Variants in RBM6 observed in about 807,000 individuals in gnomAD.
RBM6 encodes the protein RNA binding motif protein 6, also known as RNA-binding protein 6.
RBM6 carries 23 observed loss-of-function variants against 140.4 expected under a neutral mutation model. The observed-to-expected ratio is 0.16, with a 90% CI of 0.12 to 0.23. RBM6 has a LOEUF of 0.23. Among genes scored for constraint, RBM6 ranks in the 10% least tolerant of loss-of-function variants. The pLI, the probability that RBM6 is intolerant of heterozygous loss-of-function variation, is 1.00. For synonymous variants in RBM6, 439 were observed against 475.6 expected (o/e 0.92, Z 1.00); for missense variants, 1,139 against 1,386.7 (o/e 0.82, Z 2.84).
chr3:49,968,375 C>T lies in RBM6; in HGVS notation c.950C>T (p.Thr317Ile). The change falls in exon 3 of 21, where the codon ACA becomes ATA. Residue 317 changes from threonine to isoleucine, a missense_variant. Thr to Ile is a moderately conservative substitution (Grantham distance 89). This residue lies in a region of RBM6 where 566 missense variants were observed against 612.7 expected (regional missense o/e 0.92). Coordinates refer to ENST00000266022, the MANE Select transcript of RBM6 (RefSeq NM_005777.3). ...GMNVNRREES[T>I]HDHTIERPAF... ...AATGTGAACAGGAGAGAAGAATCCA[C>T]ACATGACCATACGATAGAAAGGCCT... The T allele has an allele frequency of 6.2e-7, 1 of 1,614,146 alleles. No individual in the cohort carries two copies. The highest frequency in any genetic ancestry group is 8.5e-7 in the Non-Finnish European group (1 of 1,180,038).
chr3:50,000,838 C>T (rs945803780), intron 6 of RBM6, among the ~76,000 whole-genome samples: 2 of 152,188 alleles, frequency 1.3e-5, no homozygotes, highest in African/African-American at 4.8e-5. Context: ...GCTCATTATA[C>T]GTACTTTTCT....
chr3:50,076,016 T>A (rs1020349451), intron 20 of RBM6, among the ~76,000 whole-genome samples: 9 of 151,678 alleles, frequency 5.9e-5, no homozygotes, highest in Non-Finnish European at 1.2e-4. Context: ...TCGCCCAGGC[T>A]GGAATGCAGT....
rs559826978 is a variant in RBM6, at chr3:50,058,882, C to T, written c.2130+320C>T. 53 of 167,930 alleles carry T rather than the reference C, an allele frequency of 3.2e-4. No homozygotes were observed. In the East Asian group the frequency reaches 6.5e-3, roughly 20 times the overall value. 10.4% of individuals were successfully genotyped at this position (167,930 alleles called of 1,614,324 possible). On this transcript the variant is annotated intron_variant, in intron 10 of 20. Coordinates refer to ENST00000266022, the MANE Select transcript of RBM6 (RefSeq NM_005777.3). ...AGTGAGCCGAGATCGCGCCACTGCA[C>T]TTCAGCCTGGGTGACAGAGCGAGAC...
chr3:49,947,081 CAA>C (rs1186088231), intron 1 of RBM6, among the ~76,000 whole-genome samples: 32,405 of 105,870 alleles, frequency 0.31, 3,917 homozygotes, highest in Non-Finnish European at 0.33. Flanking sequence ...ACTAAAAATA[CAA>C]AAAAAAAAAA....
At chr3:49,992,693 A>T (rs2085881377) in intron 5 of RBM6, among the ~76,000 whole-genome samples, 1 of 152,206 alleles carries the variant, frequency 6.6e-6, no homozygotes, top group Non-Finnish European at 1.5e-5. Flanking sequence ...TCTAGTGATG[A>T]TGGTCATTAT....
chr3:50,003,386 T>G (rs1157560685), intron 6 of RBM6, among the ~76,000 whole-genome samples: 1 of 152,062 alleles, frequency 6.6e-6, no homozygotes, highest in Non-Finnish European at 1.5e-5. Flanking sequence ...TGGTATGGAT[T>G]CTGAGTCACC....
At chr3:49,998,755 A>C (rs1328606624) in intron 5 of RBM6, among the ~76,000 whole-genome samples, 1 of 152,248 alleles carries the variant, frequency 6.6e-6, no homozygotes, top group Non-Finnish European at 1.5e-5. Context: ...CTTTGTGCAT[A>C]AGCACAATTT....
rs773690992 is a variant in RBM6, at chr3:50,061,561, T to C, written c.2439+14T>C. 7.4e-6 allele frequency: 1 copy of C among 135,510 alleles called. No homozygotes were observed. The highest frequency in any genetic ancestry group is 1.2e-5 in the Non-Finnish European group (1 of 81,574). The allele number at this position is 135,510 out of a possible 1,614,324, so 8.4% of individuals were successfully genotyped here. A position where few individuals can be genotyped will look rare whatever the true frequency, so the allele number is the denominator to read the frequency against. On this transcript the variant is annotated intron_variant, in intron 14 of 20. Transcript: ENST00000266022. ...CCCAATACCCAGGTGAGTTTGGGGC[T>C]TTTTTTTTTTTTTTTTTTTTTTTAC...
intron 5 of RBM6, among the ~76,000 whole-genome samples, chr3:49,984,648 ATCGCATCGCATCG>A (rs2085478527): frequency 6.8e-6 from 1 of 148,024 alleles, no homozygotes; most frequent in East Asian, 2.0e-4. Context: ...ATCGCATCGC[ATCGCATCGCATCG>A]CATTGCATCA....
chr3:49,955,003 C>T (rs543895319), intron 1 of RBM6, among the ~76,000 whole-genome samples: 77 of 152,020 alleles, frequency 5.1e-4, no homozygotes, highest in African/African-American at 1.8e-3. Context: ...TCGTGATCCG[C>T]CTGCCTAGGC....
chr3:49,997,260 G>C (rs937886538), intron 5 of RBM6, among the ~76,000 whole-genome samples: 4 of 151,854 alleles, frequency 2.6e-5, no homozygotes, highest in African/African-American at 9.7e-5. Flanking sequence ...TTTAGTGTTG[G>C]GCTTGTGAAT....
chr3:50,012,816 C>G (rs113146194), intron 6 of RBM6, among the ~76,000 whole-genome samples: 1,592 of 146,760 alleles, frequency 0.011, 36 homozygotes, highest in African/African-American at 0.039. Flanking sequence ...AATCTCGGCT[C>G]ACCACAACCT....
chr3:49,962,163 A>AG (rs1326212634), intron 1 of RBM6, among the ~76,000 whole-genome samples: 1 of 144,790 alleles, frequency 6.9e-6, no homozygotes, highest in Non-Finnish European at 1.5e-5. Context: ...AAAAAAAAAA[A>AG]AAAAAGAAGG....
intron 17 of RBM6, among the ~76,000 whole-genome samples, chr3:50,068,112 A>G (rs2090176944): frequency 6.6e-6 from 1 of 152,228 alleles, no homozygotes; most frequent in Admixed American, 6.5e-5. Context: ...CACAAACTGA[A>G]CTGGTCATAG....
chr3:50,029,464 G>A (rs1206550384), intron 6 of RBM6, among the ~76,000 whole-genome samples: 1 of 152,236 alleles, frequency 6.6e-6, no homozygotes, highest in Non-Finnish European at 1.5e-5. Context: ...GTTTGGCATG[G>A]TGGCTCACGC....
At chr3:49,979,275 TG>T (rs2085196214) in intron 5 of RBM6, among the ~76,000 whole-genome samples, 3 of 152,076 alleles carry the variant, frequency 2.0e-5, no homozygotes, top group Admixed American at 2.0e-4. Context: ...TAAGCGGGAA[TG>T]GGGAACGACT....
intron 1 of RBM6, among the ~76,000 whole-genome samples, chr3:49,945,431 C>T (rs2083445265): frequency 6.6e-6 from 1 of 151,994 alleles, no homozygotes; most frequent in East Asian, 1.9e-4. Flanking sequence ...TACTGTTTTC[C>T]ACACTGGTTG....
intron 5 of RBM6, among the ~76,000 whole-genome samples, chr3:49,980,263 C>G (rs1371807298): frequency 6.6e-6 from 1 of 151,854 alleles, no homozygotes; most frequent in Non-Finnish European, 1.5e-5. Flanking sequence ...CCTTGGCCTC[C>G]CAAAGTGCTG....
chr3:49,951,471 G>A (rs2083726215), intron 1 of RBM6, among the ~76,000 whole-genome samples: 2 of 152,050 alleles, frequency 1.3e-5, no homozygotes, highest in Non-Finnish European at 2.9e-5. Flanking sequence ...CAAGCATCAA[G>A]CAATCTACCT....
Sources: gnomAD v4.1 joint callset for allele counts (sites outside exome capture counted in the v4.1 genomes callset) on GRCh38, gnomAD v4.1.1 for gene constraint, gnomAD v4.1.1 regional missense constraint, MANE v1.5 for transcripts, NCBI Gene and HGNC (gene_info 2026-07-23, HGNC 2026-07-21) for gene names.